The following CEP95 variants were observed in gnomAD, a reference collection of about 807,000 sequenced individuals.
CEP95 encodes the protein centrosomal protein 95.
In CEP95, 98 loss-of-function variants were observed where a neutral mutation model predicts 111.2. That is an observed-to-expected ratio of 0.88 (90% CI 0.75 to 1.04). The LOEUF (loss-of-function observed/expected upper bound fraction) is 1.04, where lower values mean the gene tolerates loss of function less well. Ranked by LOEUF, CEP95 falls within the 50% of genes least tolerant of loss-of-function variation. CEP95 has a pLI of 0.00. For missense variants in CEP95, 1,027 were observed against 977.2 expected (o/e 1.05, Z -0.68); for synonymous variants, 323 against 327.1 (o/e 0.99, Z 0.14).
At chr17:64,514,075 T>C (rs782079919) in intron 3 of CEP95, among the ~76,000 whole-genome samples, 173 bp from the exon 4 acceptor site, 116 of 152,224 alleles carry the variant, frequency 7.6e-4, no homozygotes, top group Non-Finnish European at 6.5e-4. Context: ...TTAATATTTA[T>C]AATTGTTTCA....
rs903821773 is a variant in CEP95, at chr17:64,529,394, A to G, written c.1413A>G (p.Pro471=). 3.7e-6 allele frequency: 6 copies of G among 1,613,784 alleles called. No individual in the cohort carries two copies. The Admixed American group carries it at 5.0e-5, about 13-fold the overall frequency. Residue 471 remains proline, a synonymous_variant, in exon 12 of 20, where the codon CCA becomes CCG. Transcript: ENST00000556440. ...FHLERKRQRK[P]RETDVRQFQA... ...TGGAGAGAAAAAGGCAGCGCAAGCC[A>G]AGAGAAACAGATGTCCGCCAATTCC...
Position 64,514,365 on chromosome 17 carries a change from T to G in CEP95, c.367+7T>G. 7 of 1,344,256 alleles carry G rather than the reference T, an allele frequency of 5.2e-6. No individual in the cohort carries two copies. The highest frequency in any genetic ancestry group is 1.4e-5 in the African/African-American group (1 of 69,090). The allele number at this position is 1,344,256 out of a possible 1,614,324, so 83.3% of individuals were successfully genotyped here. On this transcript the variant is annotated splice_region_variant and intron_variant, in intron 4 of 19. Transcript: ENST00000556440. The stretch of plus-strand genomic sequence containing the variant: ...GAAACATCTCATGAGAAAAGTAAGT[T>G]TAAGAATGGAAATTTGGTTTGGTTT...
chr17:64,514,230 T>A lies in CEP95; in HGVS notation c.257-18T>A, dbSNP rs552730541. ...TTTCATGGTTAAATTTTTTAATAGC[T>A]CTATATTCTGTCTCCAGGAGAAAAT... On this transcript the variant is annotated intron_variant, in intron 3 of 19. Coordinates refer to ENST00000556440, the MANE Select transcript of CEP95 (RefSeq NM_138363.3). 8 of 979,424 alleles carry A rather than the reference T, an allele frequency of 8.2e-6. No individual in the cohort carries two copies. The Admixed American group carries it at 1.7e-4, about 21-fold the overall frequency. The allele number at this position is 979,424 out of a possible 1,614,324, so 60.7% of individuals were successfully genotyped here.
intron 1 of CEP95, 49 bp downstream of exon 1, chr17:64,507,165 C>T (rs1461872767): frequency 1.9e-6 from 3 of 1,551,120 alleles, no homozygotes; most frequent in East Asian, 2.4e-5. Flanking sequence ...AACCGTCCAC[C>T]TCCAGGGAGG....
chr17:64,529,900 CTTA>C (rs1306188562), intron 12 of CEP95, among the ~76,000 whole-genome samples: 1 of 152,156 alleles, frequency 6.6e-6, no homozygotes, highest in Non-Finnish European at 1.5e-5. Flanking sequence ...ATTTAGAACA[CTTA>C]TTTGCAGTAG....
chr17:64,517,499 T>C (rs782270611), intron 5 of CEP95, among the ~76,000 whole-genome samples: 6 of 152,138 alleles, frequency 3.9e-5, no homozygotes, highest in South Asian at 4.1e-4. Flanking sequence ...TTTTCTTTTT[T>C]GGATTTAGTC....
chr17:64,536,750 TGGGCTCCTGGCACTTGCTTACGCTG>T lies in CEP95; in HGVS notation c.2217+3_2217+27del. The T allele has an allele frequency of 6.3e-7, 1 of 1,593,916 alleles. No homozygotes were observed. The highest frequency in any genetic ancestry group is 1.2e-5 in the South Asian group (1 of 86,760). ...ATGGAGAACTACTATAAGGACCAGG[TGGGCTCCTGGCACTTGCTTACGCTG>T]TTGTGCTTAGTCCTGACCACTTGCC... On this transcript the variant is annotated splice_donor_5th_base_variant and intron_variant, in intron 18 of 19. Transcript: ENST00000556440.
chr17:64,537,149 T>C, intron 19 of CEP95, 37 bp downstream of exon 19: 1 of 1,599,518 alleles, frequency 6.3e-7, no homozygotes, highest in Non-Finnish European at 8.5e-7. Context: ...ATGCACTGCA[T>C]GGCAATGTTT....
chr17:64,530,815 T>G (rs1346335213), intron 12 of CEP95, 111 bp from the exon 13 acceptor site: 7 of 579,098 alleles, frequency 1.2e-5, no homozygotes, highest in African/African-American at 5.8e-5. Flanking sequence ...CCATTGGAAT[T>G]GAAACTCAGG....
intron 19 of CEP95, 88 bp downstream of exon 19, chr17:64,537,200 AG>A: frequency 6.5e-7 from 1 of 1,549,954 alleles, no homozygotes; most frequent in Admixed American, 2.0e-5. Context: ...TTGGAGCAAT[AG>A]GCTGTATCAT....
intron 17 of CEP95, chr17:64,534,939 T>C (rs1555681284): frequency 1.8e-6 from 1 of 561,924 alleles, no homozygotes; most frequent in African/African-American, 1.9e-5. Flanking sequence ...AGTCTCCGTG[T>C]CCCTCATCTT....
chr17:64,526,144 C>T lies in CEP95; in HGVS notation c.1096C>T (p.Gln366Ter). 1.2e-6 allele frequency: 2 copies of T among 1,613,546 alleles called. No individual in the cohort carries two copies. Among genetic ancestry groups the T allele is most frequent in the Non-Finnish European group, 1.7e-6 (2 of 1,179,680 alleles). Residue 366 changes from glutamine to a stop codon, truncating the protein, a stop_gained, in exon 10 of 20, where the codon CAA becomes TAA. Transcript: ENST00000556440. LOFTEE classifies it high-confidence loss of function. ...PQRPRKRLTEQELHDVSEKLS... is the reference protein window; with the variant it reads ...PQRPRKRLTE Reference sequence around the variant, plus strand: ...GAGGCCAAGAAAGAGATTAACAGAACAAGAATTACATGATGTATCAGAAAA... The same window carrying T: ...GAGGCCAAGAAAGAGATTAACAGAATAAGAATTACATGATGTATCAGAAAA...
intron 7 of CEP95, 109 bp from the exon 8 acceptor site, chr17:64,522,593 A>C: frequency 1.5e-6 from 1 of 677,592 alleles, no homozygotes; most frequent in South Asian, 2.6e-5. Flanking sequence ...AAGTTTAAAA[A>C]ATATTTCTAA....
At chr17:64,532,369 G>T in intron 14 of CEP95, 1 of 985,408 alleles carries the variant, frequency 1.0e-6, no homozygotes, top group Non-Finnish European at 1.2e-6. Context: ...CAGATGGCCT[G>T]TCCACCTCCT....
intron 4 of CEP95, 73 bp downstream of exon 4, chr17:64,514,431 G>A (rs782519812): frequency 6.2e-5 from 44 of 709,806 alleles, no homozygotes; most frequent in Non-Finnish European, 8.9e-5. Context: ...ATCTTTTTGT[G>A]TATTTTTCTT....
At chr17:64,512,321 C>G (rs2038938628) in intron 3 of CEP95, among the ~76,000 whole-genome samples, 2 of 152,170 alleles carry the variant, frequency 1.3e-5, no homozygotes, top group Non-Finnish European at 2.9e-5. Context: ...GGTTGCAGGA[C>G]AAAGGGACAA....
At chr17:64,533,620 C>T (rs1968442825) in intron 16 of CEP95, among the ~76,000 whole-genome samples, 2 of 152,050 alleles carry the variant, frequency 1.3e-5, no homozygotes, top group African/African-American at 4.8e-5. Context: ...AACAACAAAA[C>T]ACACAAACCC....
intron 4 of CEP95, chr17:64,514,696 A>G: frequency 2.8e-6 from 1 of 354,488 alleles, no homozygotes; most frequent in Non-Finnish European, 5.0e-6. Flanking sequence ...ATTTATGGTA[A>G]ATATTTGGAT....
rs1270499681 is a variant in CEP95 at position 64,527,107 on chromosome 17, A to G, written c.1153-4A>G. ...AAAGATGTTGAAAAGAATTTTCTCA[A>G]TAGATGTTAAAAAGTGCTCTGGGTG... On this transcript the variant is annotated splice_region_variant and splice_polypyrimidine_tract_variant and intron_variant, in intron 10 of 19. Coordinates refer to ENST00000556440, the MANE Select transcript of CEP95 (RefSeq NM_138363.3). 1.2e-6 allele frequency: 2 copies of G among 1,609,920 alleles called. No individual in the cohort carries two copies. Among genetic ancestry groups the G allele is most frequent in the Non-Finnish European group, 1.7e-6 (2 of 1,178,120 alleles).
Sources: gnomAD v4.1 joint callset for allele counts (sites outside exome capture counted in the v4.1 genomes callset) on GRCh38, gnomAD v4.1.1 for gene constraint, MANE v1.5 for transcripts, NCBI Gene and HGNC (gene_info 2026-07-23, HGNC 2026-07-21) for gene names.